The following INO80 variants were observed in gnomAD, a reference collection of about 807,000 sequenced individuals.
INO80 encodes INO80 complex ATPase subunit, also known as chromatin-remodeling ATPase INO80.
In INO80, 20 loss-of-function variants were observed where a neutral mutation model predicts 203.4. That is an observed-to-expected ratio of 0.10 (90% CI 0.07 to 0.14). INO80 has a LOEUF of 0.14. Among genes scored for constraint, INO80 ranks in the 10% least tolerant of loss-of-function variants. INO80 has a pLI of 1.00. For synonymous variants in INO80, 726 were observed against 685.2 expected, an observed-to-expected ratio of 1.06 and a Z score of -0.93; for missense variants, 1,419 against 1,914.4, an observed-to-expected ratio of 0.74 and a Z score of 4.83.
chr15:40,980,078 T>C lies in INO80; in HGVS notation c.*145A>G. 1 of 706,820 alleles carries C rather than the reference T, an allele frequency of 1.4e-6. No homozygotes were observed. The highest frequency in any genetic ancestry group is 2.5e-6 in the Non-Finnish European group (1 of 406,078). 43.8% of individuals were successfully genotyped at this position (706,820 alleles called of 1,614,324 possible). A position where few individuals can be genotyped will look rare whatever the true frequency, so the allele number is the denominator to read the frequency against. ...ACAGATGATAAAAGTGCTCACACCA[T>C]CCACCTGCCTGTCCTTCCCCTGCTG... is the stretch of plus-strand genomic sequence containing the variant. On this transcript the variant is annotated 3_prime_UTR_variant, in exon 36 of 36. Transcript: ENST00000648947.
intron 1 of INO80, among the ~76,000 whole-genome samples, chr15:41,111,660 G>A (rs907831701): frequency 6.6e-5 from 10 of 151,422 alleles, no homozygotes; most frequent in Middle Eastern, 3.5e-3. Flanking sequence ...AAAATTAGCC[G>A]GGCGTGGTGG....
intron 28 of INO80, among the ~76,000 whole-genome samples, chr15:41,003,462 T>C (rs2043994256): frequency 6.6e-6 from 1 of 150,832 alleles, no homozygotes. Context: ...CCCGAGTAGC[T>C]GGGATTACAG....
chr15:41,013,734 A>C (rs1458802534), intron 27 of INO80, among the ~76,000 whole-genome samples: 2 of 152,242 alleles, frequency 1.3e-5, no homozygotes. Context: ...TAAGGAAACC[A>C]GAGAAGAATT....
intron 10 of INO80, 122 bp downstream of exon 10, chr15:41,074,248 A>T (rs2045367129): frequency 8.6e-6 from 5 of 580,642 alleles, no homozygotes; most frequent in Middle Eastern, 9.5e-4. Context: ...CAGTACAATA[A>T]ATCTCTCTTT....
chr15:40,997,335 A>C (rs991187996), intron 29 of INO80, among the ~76,000 whole-genome samples, 194 bp downstream of exon 29: 7 of 152,204 alleles, frequency 4.6e-5, no homozygotes, highest in Non-Finnish European at 1.5e-5. Flanking sequence ...TCCATAAGGA[A>C]AGCTAAAATA....
intron 27 of INO80, among the ~76,000 whole-genome samples, chr15:41,011,080 C>T (rs1377380505): frequency 6.6e-6 from 1 of 152,220 alleles, no homozygotes; most frequent in Non-Finnish European, 1.5e-5. Flanking sequence ...CTTCAACCTA[C>T]TCCTGTTATT....
chr15:41,023,935 A>G lies in INO80; in HGVS notation c.3049-2810T>C, dbSNP rs12592952. On this transcript the variant is annotated intron_variant, in intron 25 of 35. Coordinates refer to ENST00000648947, the MANE Select transcript of INO80 (RefSeq NM_017553.3). ...CAGAACTTATATTGGAATTATACAT[A>G]AAGACTCTGGGCTCATAGTCTCGAG... is the stretch of plus-strand genomic sequence containing the variant. Among the ~76,000 whole-genome samples the G allele has an allele frequency of 0.012, 1,886 of 152,136 alleles. 83 individuals carry two copies. The East Asian group carries it at 0.14, about 12-fold the overall frequency.
intron 5 of INO80, among the ~76,000 whole-genome samples, chr15:41,089,755 AAAAG>A (rs1414971149): frequency 1.8e-4 from 27 of 152,094 alleles, no homozygotes; most frequent in Middle Eastern, 3.2e-3. Context: ...AAAAAAAAAA[AAAAG>A]AAAGAAAGAG....
Position 41,055,259 on chromosome 15 carries a change from C to A in INO80, c.2176G>T (p.Ala726Ser). Reference sequence around the variant, plus strand: ...TAACAGTACTCACTCTCATCAATAGCAGATTTGTTTTCGGCATGGCTCTCA... The same window carrying A: ...TAACAGTACTCACTCTCATCAATAGAAGATTTGTTTTCGGCATGGCTCTCA... ...DIESHAENKS[A>S]IDENQLSRLH... The change falls in exon 18 of 36, where the codon GCT becomes TCT. Residue 726 changes from alanine (A) to serine (S), a missense_variant. Coordinates refer to ENST00000648947, the MANE Select transcript of INO80 (RefSeq NM_017553.3). The A allele has an allele frequency of 6.2e-7, 1 of 1,603,164 alleles. No homozygotes were observed. Among genetic ancestry groups the A allele is most frequent in the Non-Finnish European group, 8.5e-7 (1 of 1,170,598 alleles).
Position 40,993,912 on chromosome 15 carries a change from A to AT in INO80, c.3570+3616dup, listed in dbSNP as rs563164595. Reference sequence around the variant, plus strand: ...TGTTTATGTCTCCTTGTAGCATTTCATTTTTTTCTCCCACTCTAAACAGAA... The same window carrying AT: ...TGTTTATGTCTCCTTGTAGCATTTCATTTTTTTTCTCCCACTCTAAACAGAA... On this transcript the variant is annotated intron_variant, in intron 29 of 35. Transcript: ENST00000648947. 2.3e-3 allele frequency among the ~76,000 whole-genome samples: 351 copies of AT among 152,062 alleles called. 5 individuals carry two copies. The highest frequency in any genetic ancestry group is 5.1e-4 in the Non-Finnish European group (35 of 67,984).
At chr15:40,986,602 G>C (rs1241116004) in intron 31 of INO80, among the ~76,000 whole-genome samples, 1 of 151,546 alleles carries the variant, frequency 6.6e-6, no homozygotes, top group African/African-American at 2.4e-5. Context: ...GGGATTACAG[G>C]TGTGAGCCGT....
chr15:41,044,696 T>TG (rs1555402372), intron 24 of INO80, among the ~76,000 whole-genome samples: 4 of 151,682 alleles, frequency 2.6e-5, no homozygotes, highest in Admixed American at 2.6e-4. Context: ...CACAGTATTG[T>TG]AAAAAAAACA....
At chr15:40,998,880 T>C (rs1024508376) in intron 28 of INO80, among the ~76,000 whole-genome samples, 1 of 151,884 alleles carries the variant, frequency 6.6e-6, no homozygotes, top group Non-Finnish European at 1.5e-5. Context: ...CAGGCTGGTC[T>C]CCTACCTCAG....
intron 29 of INO80, among the ~76,000 whole-genome samples, chr15:40,988,296 A>G (rs937972976): frequency 1.3e-5 from 2 of 152,208 alleles, no homozygotes; most frequent in African/African-American, 4.8e-5. Flanking sequence ...AAGTGCATTA[A>G]CTCATTTAAA....
intron 7 of INO80, among the ~76,000 whole-genome samples, chr15:41,083,673 A>G (rs2045518211): frequency 6.8e-6 from 1 of 146,316 alleles, no homozygotes; most frequent in Admixed American, 7.1e-5. Context: ...AAGATCACAC[A>G]CCTGTACTCC....
At chr15:41,099,551 C>G (rs1407022506) in intron 1 of INO80, among the ~76,000 whole-genome samples, 2 of 151,920 alleles carry the variant, frequency 1.3e-5, no homozygotes, top group African/African-American at 4.8e-5. Context: ...GGAGGTGAGG[C>G]AGGAGGAGAG....
chr15:40,983,302 A>G (rs1222433582), intron 34 of INO80: 5 of 540,842 alleles, frequency 9.2e-6, no homozygotes, highest in African/African-American at 7.6e-5. Context: ...GCTGCTTTTC[A>G]TTCTGAAGAG....
At chr15:41,058,121 T>C (rs191933002) in intron 16 of INO80, among the ~76,000 whole-genome samples, 8 of 152,236 alleles carry the variant, frequency 5.3e-5, no homozygotes, top group South Asian at 4.1e-4. Flanking sequence ...ACATTCTACC[T>C]CCTACTTAGA....
intron 32 of INO80, 77 bp from the exon 33 acceptor site, chr15:40,984,429 A>G (rs1893946408): frequency 7.4e-7 from 1 of 1,349,844 alleles, no homozygotes; most frequent in South Asian, 1.3e-5. Context: ...GAAGAAAAGG[A>G]TAACAGAACT....
Sources: gnomAD v4.1 joint callset for allele counts (sites outside exome capture counted in the v4.1 genomes callset) on GRCh38, gnomAD v4.1.1 for gene constraint, MANE v1.5 for transcripts, NCBI Gene and HGNC (gene_info 2026-07-23, HGNC 2026-07-21) for gene names.